Variants in XKR4 observed in about 807,000 individuals in gnomAD.
XKR4 encodes XK-related protein 4.
A neutral mutation model predicts 53.9 loss-of-function variants in XKR4; 12 were observed. The ratio of observed to expected loss-of-function variants is 0.22; its 90% CI spans 0.14 to 0.36. The LOEUF (loss-of-function observed/expected upper bound fraction) is 0.36. XKR4 is among the 10% of genes least tolerant of loss of function. XKR4 has a pLI of 1.00. For synonymous variants in XKR4, 354 were observed against 362.4 expected (o/e 0.98, Z 0.26); for missense variants, 799 against 859.5 (o/e 0.93, Z 0.88).
At chr8:55,325,382 T>C (rs1227245455) in intron 1 of XKR4, among the ~76,000 whole-genome samples, 2 of 152,118 alleles carry the variant, frequency 1.3e-5, no homozygotes, top group Non-Finnish European at 2.9e-5. Flanking sequence ...ACCTCAGGGA[T>C]TTCTTCCACT....
At chr8:55,472,769 T>A (rs141275690) in intron 2 of XKR4, among the ~76,000 whole-genome samples, 1 of 152,092 alleles carries the variant, frequency 6.6e-6, no homozygotes, top group African/African-American at 2.4e-5. Context: ...AATTGGCTGA[T>A]CACCTCAAGA....
intron 1 of XKR4, among the ~76,000 whole-genome samples, chr8:55,150,370 A>G (rs181987294): frequency 6.0e-4 from 91 of 152,344 alleles, no homozygotes; most frequent in South Asian, 1.7e-3. Flanking sequence ...ATGGGTTGCT[A>G]AAGAAGAAAG....
chr8:55,451,797 G>A (rs974090950), intron 2 of XKR4: 1 of 1,004,992 alleles, frequency 1.0e-6, no homozygotes. Flanking sequence ...ACTGATAGTC[G>A]CGGCAGCAAG....
chr8:55,408,429 A>G (rs1804721734), intron 2 of XKR4, among the ~76,000 whole-genome samples: 2 of 152,200 alleles, frequency 1.3e-5, no homozygotes. Context: ...TCACTACTCA[A>G]TAATTCTGTA....
chr8:55,343,827 C>G (rs2129382506), intron 1 of XKR4, among the ~76,000 whole-genome samples: 1 of 152,280 alleles, frequency 6.6e-6, no homozygotes, highest in Non-Finnish European at 1.5e-5. Flanking sequence ...ATTTCTTCTT[C>G]CCCTAGAATG....
chr8:55,287,184 CAAA>C (rs1818919588), intron 1 of XKR4, among the ~76,000 whole-genome samples: 1 of 147,800 alleles, frequency 6.8e-6, no homozygotes, highest in Non-Finnish European at 1.5e-5. Context: ...AAAAAAAATA[CAAA>C]AACAAATCAC....
chr8:55,315,900 A>T (rs541797507), intron 1 of XKR4, among the ~76,000 whole-genome samples: 2 of 152,220 alleles, frequency 1.3e-5, no homozygotes, highest in South Asian at 4.2e-4. Context: ...AAATCCTAAA[A>T]ATTGTATGGA....
At chr8:55,276,928 T>C (rs896022276) in intron 1 of XKR4, among the ~76,000 whole-genome samples, 3 of 152,218 alleles carry the variant, frequency 2.0e-5, no homozygotes, top group Non-Finnish European at 2.9e-5. Flanking sequence ...GGTAAAGCCA[T>C]GCAAACTGTG....
chr8:55,182,481 T>C (rs948761224), intron 1 of XKR4, among the ~76,000 whole-genome samples: 2 of 152,194 alleles, frequency 1.3e-5, no homozygotes, highest in Admixed American at 6.5e-5. Flanking sequence ...TGTTTGTACA[T>C]GAGGTGAGGT....
chr8:55,396,893 G>T (rs936860144), intron 2 of XKR4, among the ~76,000 whole-genome samples: 9 of 152,160 alleles, frequency 5.9e-5, no homozygotes, highest in African/African-American at 1.9e-4. Context: ...ATAAAATAAA[G>T]CATGAAATCT....
chr8:55,371,954 AAGC>A (rs1804074480), intron 2 of XKR4, among the ~76,000 whole-genome samples: 1 of 152,244 alleles, frequency 6.6e-6, no homozygotes, highest in Admixed American at 6.5e-5. Context: ...TCCAATAATC[AAGC>A]ACAAATCTTG....
intron 2 of XKR4, among the ~76,000 whole-genome samples, chr8:55,522,624 G>A (rs536762571): frequency 8.6e-4 from 131 of 152,208 alleles, no homozygotes; most frequent in African/African-American, 3.1e-3. Flanking sequence ...AAGCTGACAG[G>A]GAGCTTTGGA....
At chr8:55,474,663 T>C (rs1399205768) in intron 2 of XKR4, among the ~76,000 whole-genome samples, 1 of 152,156 alleles carries the variant, frequency 6.6e-6, no homozygotes, top group Non-Finnish European at 1.5e-5. Context: ...CCATCTCCCC[T>C]GACTCTCAGG....
chr8:55,494,440 C>T (rs75996234), intron 2 of XKR4, among the ~76,000 whole-genome samples: 1 of 152,338 alleles, frequency 6.6e-6, no homozygotes, highest in East Asian at 1.9e-4. Context: ...TGTTACAGCT[C>T]TTTTAGCCCC....
rs1428897455 is a variant in XKR4 at position 55,524,201 on chromosome 8, C to A, written c.1927C>A (p.Arg643=). ...QYKDDALIQE[R]LEYETTL The stretch of plus-strand genomic sequence containing the variant: ...CAAAGATGATGCCCTTATTCAGGAG[C>A]GGTTGGAGTACGAAACCACTTTATA... Residue 643 remains arginine, a synonymous_variant, in exon 3 of 3, where the codon CGG becomes AGG. Transcript: ENST00000327381. 4.3e-6 allele frequency: 7 copies of A among 1,613,680 alleles called. No homozygotes were observed. Among genetic ancestry groups the A allele is most frequent in the Non-Finnish European group, 5.9e-6 (7 of 1,179,814 alleles).
intron 1 of XKR4, among the ~76,000 whole-genome samples, chr8:55,152,084 A>G (rs1297627825): frequency 1.3e-5 from 2 of 152,168 alleles, no homozygotes; most frequent in Non-Finnish European, 2.9e-5. Flanking sequence ...AGCAAGATCC[A>G]CTTAAATGAG....
At chr8:55,450,880 C>T in intron 2 of XKR4, 2 of 472,466 alleles carry the variant, frequency 4.2e-6, no homozygotes. Context: ...CTCCCCCCTC[C>T]CAGCACCGAC....
intron 1 of XKR4, among the ~76,000 whole-genome samples, chr8:55,244,433 T>C (rs889153057): frequency 6.6e-6 from 1 of 152,264 alleles, no homozygotes; most frequent in African/African-American, 2.4e-5. Context: ...TTCCATGGTG[T>C]ATATGTACCA....
intron 1 of XKR4, among the ~76,000 whole-genome samples, chr8:55,306,962 C>A (rs1819309822): frequency 6.6e-6 from 1 of 150,788 alleles, no homozygotes; most frequent in Non-Finnish European, 1.5e-5. Flanking sequence ...GAGCCTCAAC[C>A]TAAGCCTCAC....
Sources: allele counts gnomAD v4.1 joint callset (sites outside exome capture counted in the v4.1 genomes callset), GRCh38; gene constraint gnomAD v4.1.1; transcripts MANE v1.5; gene names NCBI Gene and HGNC (gene_info 2026-07-23, HGNC 2026-07-21).